Variants in SLC3A1 observed in about 807,000 individuals in gnomAD.
SLC3A1 encodes amino acid transporter heavy chain SLC3A1.
Under a neutral mutation model 60.3 loss-of-function variants are expected in SLC3A1, and 78 were observed. The observed-to-expected ratio is 1.29, with a 90% CI of 1.08 to 1.56. SLC3A1 has a LOEUF of 1.56. SLC3A1 is among the 40% of genes most tolerant of loss of function. The pLI, the probability that SLC3A1 is intolerant of heterozygous loss-of-function variation, is 0.00. For synonymous variants in SLC3A1, 392 were observed against 307.9 expected (o/e 1.27, Z -2.86); for missense variants, 1,172 against 858.9 (o/e 1.36, Z -4.56).
chr2:44,298,977 G>C (rs915606226), intron 4 of SLC3A1, among the ~76,000 whole-genome samples: 2 of 149,468 alleles, frequency 1.3e-5, no homozygotes, highest in Non-Finnish European at 3.0e-5. Context: ...TTAACCATTT[G>C]TGTTTGGGAT....
At chr2:44,306,758 T>C (rs942508918) in intron 7 of SLC3A1, among the ~76,000 whole-genome samples, 9 of 152,010 alleles carry the variant, frequency 5.9e-5, no homozygotes, top group Non-Finnish European at 1.2e-4. Flanking sequence ...GGTTTCATCA[T>C]GTTGGCCAGG....
intron 4 of SLC3A1, among the ~76,000 whole-genome samples, chr2:44,294,429 C>T (rs559295038): frequency 7.3e-5 from 11 of 150,312 alleles, no homozygotes; most frequent in Middle Eastern, 6.9e-3. Context: ...TGCTTGAACC[C>T]GGGAGGCAAA....
chr2:44,312,304 T>C (rs547156293), intron 7 of SLC3A1, among the ~76,000 whole-genome samples: 25 of 152,344 alleles, frequency 1.6e-4, no homozygotes, highest in African/African-American at 5.8e-4. Context: ...CAATATTCTC[T>C]TATCCAAATA....
intron 4 of SLC3A1, 24 bp downstream of exon 4, chr2:44,286,181 C>A (rs1405654743): frequency 1.2e-6 from 2 of 1,610,406 alleles, no homozygotes; most frequent in Non-Finnish European, 1.7e-6. Flanking sequence ...CCCACACAGA[C>A]TTCTCCATTA....
At chr2:44,305,848 C>A (rs1267709740) in intron 7 of SLC3A1, among the ~76,000 whole-genome samples, 1 of 152,162 alleles carries the variant, frequency 6.6e-6, no homozygotes, top group South Asian at 2.1e-4. Flanking sequence ...TCGTTTAGGT[C>A]TCAGGTAGGT....
At chr2:44,317,975 G>A (rs552854550) in intron 9 of SLC3A1, 5 of 272,922 alleles carry the variant, frequency 1.8e-5, no homozygotes, top group Non-Finnish European at 3.7e-5. Context: ...TAGAAAGCTT[G>A]CAACCCAGCT....
intron 1 of SLC3A1, 67 bp downstream of exon 1, chr2:44,276,032 C>T: frequency 7.0e-7 from 1 of 1,433,328 alleles, no homozygotes; most frequent in African/African-American, 1.4e-5. Flanking sequence ...TTTTGTTCTT[C>T]AGAACCAAAT....
chr2:44,317,162 G>A (rs1336284442), intron 9 of SLC3A1, among the ~76,000 whole-genome samples: 1 of 152,064 alleles, frequency 6.6e-6, no homozygotes, highest in East Asian at 1.9e-4. Flanking sequence ...ACATTAAATA[G>A]AATTAAACAT....
At chr2:44,306,382 T>C (rs368634073) in intron 7 of SLC3A1, among the ~76,000 whole-genome samples, 1 of 152,276 alleles carries the variant, frequency 6.6e-6, no homozygotes, top group African/African-American at 2.4e-5. Flanking sequence ...GATGCTTTAA[T>C]AGGCAGGAAT....
At chr2:44,317,054 C>G (rs774714536) in intron 9 of SLC3A1, among the ~76,000 whole-genome samples, 1 of 152,140 alleles carries the variant, frequency 6.6e-6, no homozygotes, top group African/African-American at 2.4e-5. Context: ...AGGGGGCACA[C>G]AGGAGCAAGC....
At position 44,321,324 on chromosome 2, in the gene SLC3A1, T is replaced by C. The variant is rs1672919730; in HGVS notation, c.*685T>C. ...GAAGTAAGACTATGAAATATTTCAG[T>C]GTGTTTCCAATTCCCAGTTGAATGC... On this transcript the variant is annotated 3_prime_UTR_variant, in exon 10 of 10. Coordinates refer to ENST00000260649, the MANE Select transcript of SLC3A1 (RefSeq NM_000341.4). 2 of 1,508,392 alleles carry C rather than the reference T, an allele frequency of 1.3e-6. No individual in the cohort carries two copies. Among genetic ancestry groups the C allele is most frequent in the African/African-American group, 1.4e-5 (1 of 72,490 alleles). The allele number at this position is 1,508,392 out of a possible 1,614,324, so 93.4% of individuals were successfully genotyped here.
chr2:44,282,896 G>T (rs1428062602), intron 3 of SLC3A1, among the ~76,000 whole-genome samples: 1 of 152,106 alleles, frequency 6.6e-6, no homozygotes, highest in East Asian at 1.9e-4. Context: ...GGGCTCAAGT[G>T]ATCCTCCCGC....
At chr2:44,312,821 C>T in intron 8 of SLC3A1, 68 bp downstream of exon 8, 1 of 1,353,570 alleles carries the variant, frequency 7.4e-7, no homozygotes, top group Non-Finnish European at 1.0e-6. Context: ...TATTTTTTGC[C>T]AAATCAGAGA....
intron 1 of SLC3A1, among the ~76,000 whole-genome samples, chr2:44,276,335 T>C (rs1671341254): frequency 6.6e-6 from 1 of 152,200 alleles, no homozygotes; most frequent in African/African-American, 2.4e-5. Flanking sequence ...AGTTGGGAAT[T>C]GCTTTCCCAG....
Position 44,299,982 on chromosome 2 carries a change from G to C in SLC3A1, c.903G>C (p.Arg301=). The change falls in exon 5 of 10, where the codon CGG becomes CGC. Residue 301 remains arginine, a synonymous_variant. Coordinates refer to ENST00000260649, the MANE Select transcript of SLC3A1 (RefSeq NM_000341.4). ...TTCTTCATCTTTAGGAAATTTTACG[G>C]TTCTGGCTCACAAAGGGTGTTGATG... The part of the protein sequence containing the change: ...DVQEEIKEIL[R]FWLTKGVDGF... The C allele has an allele frequency of 6.2e-7, 1 of 1,614,040 alleles. No individual in the cohort carries two copies. Among genetic ancestry groups the C allele is most frequent in the Non-Finnish European group, 8.5e-7 (1 of 1,179,944 alleles).
At chr2:44,301,493 C>T in intron 6 of SLC3A1, 1 of 413,906 alleles carries the variant, frequency 2.4e-6, no homozygotes, top group Non-Finnish European at 4.5e-6. Flanking sequence ...GTAAACCCAG[C>T]ACTGTAGGAG....
chr2:44,313,960 CAGTG>C lies in SLC3A1; in HGVS notation c.1617+11_1617+14del. 3 of 1,613,970 alleles carry C rather than the reference CAGTG, an allele frequency of 1.9e-6. No individual in the cohort carries two copies. Among genetic ancestry groups the C allele is most frequent in the Non-Finnish European group, 2.5e-6 (3 of 1,179,942 alleles). ...ACACTGTGAATGTTGATGTAAGTAT[CAGTG>C]AAAATTTTATGTTGATTCTAGAAAC... On this transcript the variant is annotated intron_variant, in intron 9 of 9. Coordinates refer to ENST00000260649, the MANE Select transcript of SLC3A1 (RefSeq NM_000341.4).
chr2:44,300,798 T>C (rs1029822015), intron 5 of SLC3A1, among the ~76,000 whole-genome samples: 1 of 152,214 alleles, frequency 6.6e-6, no homozygotes, highest in Non-Finnish European at 1.5e-5. Context: ...GGTGACAGTT[T>C]ATTAGAGAAA....
intron 3 of SLC3A1, chr2:44,285,401 C>G (rs573295826): frequency 3.9e-6 from 1 of 258,340 alleles, no homozygotes; most frequent in African/African-American, 2.2e-5. Flanking sequence ...GGGCCCACAG[C>G]GTTGACTTAA....
Sources: allele counts gnomAD v4.1 joint callset (sites outside exome capture counted in the v4.1 genomes callset), GRCh38; gene constraint gnomAD v4.1.1; transcripts MANE v1.5; gene names NCBI Gene and HGNC (gene_info 2026-07-23, HGNC 2026-07-21).